Variants in SNX10 observed in about 807,000 individuals in gnomAD.
SNX10 encodes the protein sorting nexin 10.
A neutral mutation model predicts 28.5 loss-of-function variants in SNX10; 25 were observed. The observed-to-expected ratio is 0.88, with a 90% CI of 0.64 to 1.22. SNX10 has a LOEUF of 1.22. Among genes scored for constraint, SNX10 ranks in the 50% most tolerant of loss-of-function variants. The pLI, the probability that SNX10 is intolerant of heterozygous loss-of-function variation, is 0.00. For missense variants in SNX10, 223 were observed against 242.6 expected, an observed-to-expected ratio of 0.92 and a Z score of 0.54; for synonymous variants, 62 against 81.4, an observed-to-expected ratio of 0.76 and a Z score of 1.28.
At chr7:26,342,376 G>A (rs1788217709) in intron 1 of SNX10, among the ~76,000 whole-genome samples, 1 of 152,156 alleles carries the variant, frequency 6.6e-6, no homozygotes, top group African/African-American at 2.4e-5. Flanking sequence ...ATTATAGACA[G>A]TTGACCTTTT....
intron 1 of SNX10, among the ~76,000 whole-genome samples, chr7:26,320,310 TAAA>T: frequency 6.6e-6 from 1 of 151,954 alleles, no homozygotes; most frequent in Admixed American, 6.6e-5. Context: ...AAATAATATA[TAAA>T]AAAAAGTTGT....
chr7:26,308,983 G>A (rs777870054), intron 1 of SNX10, among the ~76,000 whole-genome samples: 15 of 152,150 alleles, frequency 9.9e-5, no homozygotes, highest in Admixed American at 2.6e-4. Flanking sequence ...TATGTTGATC[G>A]ATTGTCTTTG....
chr7:26,358,668 C>T lies in SNX10; in HGVS notation c.25-2307C>T, dbSNP rs575312612. Among the ~76,000 whole-genome samples, 32 of 152,062 alleles carry T rather than the reference C, an allele frequency of 2.1e-4. No homozygotes were observed. In the East Asian group the frequency reaches 4.8e-3, roughly 23 times the overall value. On this transcript the variant is annotated intron_variant, in intron 2 of 6. Transcript: ENST00000338523. ...GCTAAGGTAGGAGGATCATTTTAGC[C>T]CTGGAGTTTGAGGCTGCAGTGAGCT...
chr7:26,336,578 A>G (rs959356691), intron 1 of SNX10, among the ~76,000 whole-genome samples: 1 of 152,014 alleles, frequency 6.6e-6, no homozygotes, highest in African/African-American at 2.4e-5. Flanking sequence ...TGGTGTGCAC[A>G]CCTGTAGTCC....
intron 1 of SNX10, among the ~76,000 whole-genome samples, chr7:26,337,654 A>G (rs1449507319): frequency 6.6e-6 from 1 of 152,126 alleles, no homozygotes; most frequent in Non-Finnish European, 1.5e-5. Flanking sequence ...CTTCCCTTTT[A>G]AGGTTGAATG....
At chr7:26,351,340 A>G (rs981365947) in intron 2 of SNX10, among the ~76,000 whole-genome samples, 69 of 152,364 alleles carry the variant, frequency 4.5e-4, no homozygotes, top group Middle Eastern at 3.4e-3. Context: ...TTATGTTGCT[A>G]GCATGTGGAA....
At chr7:26,325,983 G>A (rs1164783319) in intron 1 of SNX10, among the ~76,000 whole-genome samples, 1 of 152,084 alleles carries the variant, frequency 6.6e-6, no homozygotes, top group African/African-American at 2.4e-5. Context: ...CAGCCCTGGT[G>A]CCCCAAAGTG....
At chr7:26,294,124 C>G (rs1786024315) in intron 1 of SNX10, among the ~76,000 whole-genome samples, 1 of 152,254 alleles carries the variant, frequency 6.6e-6, no homozygotes, top group South Asian at 2.1e-4. Flanking sequence ...CATTTCCTAG[C>G]ATGGCGGAGA....
At chr7:26,297,127 C>T (rs747275286) in intron 1 of SNX10, among the ~76,000 whole-genome samples, 12 of 152,114 alleles carry the variant, frequency 7.9e-5, no homozygotes, top group East Asian at 1.9e-4. Flanking sequence ...GACGGAGTCT[C>T]GCTCTGTCGC....
At chr7:26,311,490 T>G (rs1053939954) in intron 1 of SNX10, among the ~76,000 whole-genome samples, 2 of 152,184 alleles carry the variant, frequency 1.3e-5, no homozygotes, top group African/African-American at 4.8e-5. Flanking sequence ...GATACTCTTG[T>G]AGTGTAGGGC....
At chr7:26,318,470 G>GTTA (rs963887768) in intron 1 of SNX10, among the ~76,000 whole-genome samples, 4 of 152,116 alleles carry the variant, frequency 2.6e-5, no homozygotes, top group African/African-American at 9.6e-5. Context: ...ATTTATTATT[G>GTTA]TTATTATTAT....
intron 1 of SNX10, among the ~76,000 whole-genome samples, chr7:26,310,744 C>T (rs1786796077): frequency 1.3e-5 from 2 of 151,028 alleles, no homozygotes; most frequent in African/African-American, 4.9e-5. Flanking sequence ...TGCAGTGGCG[C>T]CATCTCGGCT....
chr7:26,312,782 T>C (rs1469953375), intron 1 of SNX10, among the ~76,000 whole-genome samples: 1 of 151,894 alleles, frequency 6.6e-6, no homozygotes, highest in East Asian at 1.9e-4. Flanking sequence ...AGACTCCGTC[T>C]CAAAAAAAAG....
At chr7:26,369,149 A>G (rs1393353058) in intron 5 of SNX10, among the ~76,000 whole-genome samples, 1 of 152,118 alleles carries the variant, frequency 6.6e-6, no homozygotes, top group Non-Finnish European at 1.5e-5. Context: ...CCTAGAGGCT[A>G]TTTTTTATTC....
At chr7:26,363,640 G>A (rs2128023483) in intron 3 of SNX10, among the ~76,000 whole-genome samples, 1 of 152,280 alleles carries the variant, frequency 6.6e-6, no homozygotes, top group Admixed American at 6.5e-5. Context: ...TTTACGCAAA[G>A]GAGAATATTT....
chr7:26,319,099 C>G (rs1027748160), intron 1 of SNX10, among the ~76,000 whole-genome samples: 1 of 152,128 alleles, frequency 6.6e-6, no homozygotes, highest in Non-Finnish European at 1.5e-5. Flanking sequence ...AGGTCTGTGT[C>G]AAGAGATTTA....
At chr7:26,314,384 A>G (rs1469906264) in intron 1 of SNX10, among the ~76,000 whole-genome samples, 1 of 151,906 alleles carries the variant, frequency 6.6e-6, no homozygotes, top group African/African-American at 2.4e-5. Context: ...CCTCCCGAGT[A>G]GCTGGGATTA....
intron 1 of SNX10, among the ~76,000 whole-genome samples, chr7:26,311,243 C>T (rs561874074): frequency 1.3e-5 from 2 of 152,298 alleles, no homozygotes; most frequent in South Asian, 2.1e-4. Context: ...CTCCGCCTCT[C>T]GGGTTCAAGG....
intron 3 of SNX10, among the ~76,000 whole-genome samples, chr7:26,363,996 A>G (rs1197459785): frequency 2.0e-5 from 3 of 152,194 alleles, no homozygotes; most frequent in South Asian, 2.1e-4. Context: ...TCGGACGGAC[A>G]CGCTCCCTCT....
Sources: allele counts gnomAD v4.1 joint callset (sites outside exome capture counted in the v4.1 genomes callset), GRCh38; gene constraint gnomAD v4.1.1; transcripts MANE v1.5; gene names NCBI Gene and HGNC (gene_info 2026-07-23, HGNC 2026-07-21).